The following ADGRL3 variants were observed in gnomAD, a reference collection of about 807,000 sequenced individuals.
ADGRL3 encodes the protein adhesion G protein-coupled receptor L3, also known as calcium-independent alpha-latrotoxin receptor 3.
In ADGRL3, 62 loss-of-function variants were observed where a neutral mutation model predicts 153.5. The observed-to-expected ratio is 0.40, with a 90% CI of 0.33 to 0.50. ADGRL3 has a LOEUF of 0.50. ADGRL3 is among the 20% of genes least tolerant of loss of function. The pLI is 0.47. For synonymous variants in ADGRL3, 710 were observed against 672.5 expected, an observed-to-expected ratio of 1.06 and a Z score of -0.86; for missense variants, 1,641 against 1,859.4, an observed-to-expected ratio of 0.88 and a Z score of 2.16.
chr4:61,729,165 C>T (rs1449684686), intron 6 of ADGRL3, among the ~76,000 whole-genome samples: 1 of 151,810 alleles, frequency 6.6e-6, no homozygotes, highest in Non-Finnish European at 1.5e-5. Context: ...ATTATATATC[C>T]ATGTAACAAA....
At chr4:61,398,378 A>T (rs559920379) in intron 2 of ADGRL3, among the ~76,000 whole-genome samples, 1 of 151,782 alleles carries the variant, frequency 6.6e-6, no homozygotes, top group East Asian at 1.9e-4. Context: ...AATAAATGAC[A>T]CCACATTCCA....
intron 9 of ADGRL3, among the ~76,000 whole-genome samples, chr4:61,874,667 A>G (rs1561397919): frequency 6.6e-6 from 1 of 151,708 alleles, no homozygotes; most frequent in East Asian, 1.9e-4. Flanking sequence ...AAAGTCTGCT[A>G]GTAAAATATA....
intron 8 of ADGRL3, among the ~76,000 whole-genome samples, chr4:61,773,855 T>C (rs1331132801): frequency 6.6e-6 from 1 of 152,062 alleles, no homozygotes; most frequent in Non-Finnish European, 1.5e-5. Context: ...AAACAACAGA[T>C]TTTGTAGAGA....
At chr4:61,678,382 T>C (rs940194646) in intron 6 of ADGRL3, among the ~76,000 whole-genome samples, 1 of 152,018 alleles carries the variant, frequency 6.6e-6, no homozygotes, top group African/African-American at 2.4e-5. Flanking sequence ...AATTTCAGAT[T>C]GTAGATTTTA....
intron 1 of ADGRL3, among the ~76,000 whole-genome samples, chr4:61,320,823 T>C (rs995863767): frequency 2.0e-5 from 3 of 152,208 alleles, no homozygotes; most frequent in Admixed American, 2.0e-4. Flanking sequence ...TGTTTTGCTC[T>C]TCTGGTGGTC....
chr4:61,609,447 T>C (rs1295300413), intron 5 of ADGRL3, among the ~76,000 whole-genome samples: 2 of 152,124 alleles, frequency 1.3e-5, no homozygotes, highest in Non-Finnish European at 2.9e-5. Flanking sequence ...CAGTGCCTGA[T>C]TAATTTTCAT....
At chr4:62,013,547 A>T (rs944151238) in intron 21 of ADGRL3, among the ~76,000 whole-genome samples, 3 of 151,896 alleles carry the variant, frequency 2.0e-5, no homozygotes, top group African/African-American at 7.3e-5. Flanking sequence ...CATCTCAAAA[A>T]AAAAAGAAAG....
intron 4 of ADGRL3, among the ~76,000 whole-genome samples, chr4:61,582,924 C>T (rs765852557): frequency 2.6e-5 from 4 of 152,000 alleles, no homozygotes; most frequent in Non-Finnish European, 5.9e-5. Context: ...ACTCACTTAG[C>T]TACTTTATAT....
At chr4:61,465,941 G>A (rs962595369) in intron 2 of ADGRL3, among the ~76,000 whole-genome samples, 3 of 151,656 alleles carry the variant, frequency 2.0e-5, no homozygotes, top group African/African-American at 2.4e-5. Flanking sequence ...GGACAACTCC[G>A]TGAAACACCC....
At chr4:61,300,856 C>A (rs1335457148) in intron 1 of ADGRL3, among the ~76,000 whole-genome samples, 3 of 151,360 alleles carry the variant, frequency 2.0e-5, no homozygotes, top group African/African-American at 7.3e-5. Flanking sequence ...GGCTCCGCCT[C>A]ACGGGTTCAA....
At chr4:61,549,685 G>GTCTT in intron 4 of ADGRL3, among the ~76,000 whole-genome samples, 1 of 151,652 alleles carries the variant, frequency 6.6e-6, no homozygotes, top group Admixed American at 6.6e-5. Flanking sequence ...ATTGTTTACC[G>GTCTT]TAAGATTCAG....
chr4:61,587,243 A>G lies in ADGRL3; in HGVS notation c.276A>G (p.Pro92=), dbSNP rs759492443. The G allele has an allele frequency of 5.7e-5, 91 of 1,607,004 alleles. 2 individuals carry two copies. In the South Asian group the frequency reaches 8.1e-4, roughly 14 times the overall value. The part of the protein sequence containing the change: ...QIAAQAFSRA[P]IPMAVVRREL... ...TTTTGGCAGCTTTCAGCCGTGCCCC[A>G]ATTCCAATGGCTGTGGTCCGCAGAG... Residue 92 remains proline (P), a synonymous_variant, in exon 5 of 27, where the codon CCA becomes CCG. Coordinates refer to ENST00000683033, the MANE Select transcript of ADGRL3 (RefSeq NM_001387552.1).
At chr4:61,979,519 GTTATGCATAAGCGCAAC>G (rs1405609370) in intron 17 of ADGRL3, 27 bp from the exon 18 acceptor site, 1 of 1,535,408 alleles carries the variant, frequency 6.5e-7, no homozygotes, top group Non-Finnish European at 9.0e-7. Context: ...TTTGTAATTG[GTTATGCATAAGCGCAAC>G]TTATGGCTTT....
intron 2 of ADGRL3, among the ~76,000 whole-genome samples, chr4:61,466,360 A>G (rs1270739785): frequency 6.6e-6 from 1 of 152,282 alleles, no homozygotes; most frequent in East Asian, 1.9e-4. Context: ...TTGCTATATG[A>G]AAAGATAGCT....
intron 1 of ADGRL3, among the ~76,000 whole-genome samples, chr4:61,229,936 A>C (rs71607287): frequency 6.6e-6 from 1 of 151,952 alleles, no homozygotes; most frequent in East Asian, 1.9e-4. Context: ...ATATGTATAT[A>C]CATATTATAT....
In ADGRL3 at chr4:61,733,175, A is replaced by G. The variant is rs780297077; in HGVS notation, c.1020A>G (p.Leu340=). The change falls in exon 8 of 27, where the codon CTA becomes CTG. Residue 340 remains leucine, a synonymous_variant. Coordinates refer to ENST00000683033, the MANE Select transcript of ADGRL3 (RefSeq NM_001387552.1). The part of the protein sequence containing the change: ...DIDLAVDENG[L]WVIYATEQNN... ...ACCTGGCAGTAGATGAGAATGGGCTATGGGTAATCTATGCAACAGAACAAA... is the reference window on the plus strand; with the variant it reads ...ACCTGGCAGTAGATGAGAATGGGCTGTGGGTAATCTATGCAACAGAACAAA... The G allele has an allele frequency of 1.2e-5, 20 of 1,613,334 alleles. No homozygotes were observed. Among genetic ancestry groups the G allele is most frequent in the Non-Finnish European group, 1.7e-5 (20 of 1,179,622 alleles).
At chr4:61,301,257 C>T (rs1479342560) in intron 1 of ADGRL3, among the ~76,000 whole-genome samples, 3 of 152,032 alleles carry the variant, frequency 2.0e-5, no homozygotes, top group Non-Finnish European at 2.9e-5. Flanking sequence ...AATACACAAA[C>T]GACCTTGCAA....
intron 1 of ADGRL3, among the ~76,000 whole-genome samples, chr4:61,261,725 A>G (rs528978858): frequency 6.6e-6 from 1 of 152,238 alleles, no homozygotes; most frequent in Non-Finnish European, 1.5e-5. Flanking sequence ...AAAACATAAT[A>G]TAGTGTTACA....
At chr4:61,448,683 A>G (rs185196781) in intron 2 of ADGRL3, among the ~76,000 whole-genome samples, 171 of 149,876 alleles carry the variant, frequency 1.1e-3, no homozygotes, top group African/African-American at 4.0e-3. Flanking sequence ...CAAAAATGGC[A>G]GTAGAAGGAT....
Sources: gnomAD v4.1 joint callset for allele counts (sites outside exome capture counted in the v4.1 genomes callset) on GRCh38, gnomAD v4.1.1 for gene constraint, MANE v1.5 for transcripts, NCBI Gene and HGNC (gene_info 2026-07-23, HGNC 2026-07-21) for gene names.